AP1G1: variants seen among roughly 807,000 people sequenced by gnomAD.
The protein encoded by AP1G1 is AP-1 complex subunit gamma-1.
Under a neutral mutation model 108.3 loss-of-function variants are expected in AP1G1, and 7 were observed. The observed-to-expected ratio is 0.06, with a 90% CI of 0.04 to 0.12. AP1G1 has a LOEUF of 0.12. Ranked by LOEUF, AP1G1 falls within the 10% of genes least tolerant of loss-of-function variation. AP1G1 has a pLI of 1.00. For missense variants in AP1G1, 756 were observed against 1,010.7 expected, an observed-to-expected ratio of 0.75 and a Z score of 3.42; for synonymous variants, 379 against 353.5, an observed-to-expected ratio of 1.07 and a Z score of -0.81.
chr16:71,807,174 C>G (rs969025585), intron 1 of AP1G1, among the ~76,000 whole-genome samples: 3 of 140,076 alleles, frequency 2.1e-5, no homozygotes, highest in Non-Finnish European at 4.8e-5. Flanking sequence ...GCCTGTAATC[C>G]TAGCACTTTG....
At chr16:71,794,034 A>G (rs2032496180) in intron 1 of AP1G1, among the ~76,000 whole-genome samples, 1 of 152,184 alleles carries the variant, frequency 6.6e-6, no homozygotes, top group Non-Finnish European at 1.5e-5. Flanking sequence ...GTGGTTTTAT[A>G]AAAAGACCTT....
At chr16:71,802,175 T>C (rs2032824904) in intron 1 of AP1G1, among the ~76,000 whole-genome samples, 1 of 152,208 alleles carries the variant, frequency 6.6e-6, no homozygotes, top group Non-Finnish European at 1.5e-5. Flanking sequence ...TTAGTGTTTT[T>C]ACAGCTCAAG....
chr16:71,808,193 A>C, intron 1 of AP1G1: 1 of 1,033,138 alleles, frequency 9.7e-7, no homozygotes, highest in Non-Finnish European at 1.1e-6. Flanking sequence ...AGGTTGAAAA[A>C]AACAAAACAA....
chr16:71,793,474 T>G (rs548052583), intron 1 of AP1G1, among the ~76,000 whole-genome samples: 1 of 152,170 alleles, frequency 6.6e-6, no homozygotes, highest in Non-Finnish European at 1.5e-5. Flanking sequence ...AGGGTATCTA[T>G]GATAGTTAAA....
At position 71,750,302 on chromosome 16, in the gene AP1G1, G is replaced by A; in HGVS notation, c.1315C>T (p.Pro439Ser). The A allele has an allele frequency of 6.2e-7, 1 of 1,613,920 alleles. No homozygotes were observed. Among genetic ancestry groups the A allele is most frequent in the Non-Finnish European group, 8.5e-7 (1 of 1,179,932 alleles). The change falls in exon 14 of 23, where the codon CCC (proline) becomes TCC (serine). Residue 439 changes from proline to serine, a missense_variant. Coordinates refer to ENST00000299980, the MANE Select transcript of AP1G1 (RefSeq NM_001128.6). Reference protein sequence around the residue: ...AGSYVRDDAVPNLIQLITNSV... With the variant: ...AGSYVRDDAVSNLIQLITNSV... Reference sequence around the variant, plus strand: ...TTAGTTATTAACTGGATTAAATTGGGGACTGCATCATCACGAACATAACTT... The same window carrying A: ...TTAGTTATTAACTGGATTAAATTGGAGACTGCATCATCACGAACATAACTT...
At chr16:71,784,774 G>T (rs560061656) in intron 2 of AP1G1, among the ~76,000 whole-genome samples, 2 of 151,550 alleles carry the variant, frequency 1.3e-5, no homozygotes, top group African/African-American at 4.9e-5. Context: ...GGCCAGGATG[G>T]TCTCAAACTC....
intron 4 of AP1G1, chr16:71,772,951 C>T: frequency 6.1e-6 from 3 of 490,968 alleles, no homozygotes; most frequent in Non-Finnish European, 7.6e-6. Flanking sequence ...AAAATCTGTT[C>T]ATAATCACCT....
intron 15 of AP1G1, among the ~76,000 whole-genome samples, 162 bp from the exon 16 acceptor site, chr16:71,748,540 T>C (rs2030309688): frequency 1.3e-5 from 2 of 152,264 alleles, no homozygotes; most frequent in African/African-American, 2.4e-5. Flanking sequence ...CAAGCTGTTC[T>C]ATCAACCAGA....
At position 71,733,039 on chromosome 16, in the gene AP1G1, T is replaced by C. The variant is rs2045489172; in HGVS notation, c.*19A>G. 2 of 1,590,032 alleles carry C rather than the reference T, an allele frequency of 1.3e-6. No individual in the cohort carries two copies. The highest frequency in any genetic ancestry group is 1.7e-6 in the Non-Finnish European group (2 of 1,160,340). The stretch of plus-strand genomic sequence containing the variant: ...TCCTTTGATTGAGTGGGATAAAGAA[T>C]GAGAATGGTGCCAAACCCTCATTGC... On this transcript the variant is annotated 3_prime_UTR_variant, in exon 23 of 23. Transcript: ENST00000299980.
Position 71,746,659 on chromosome 16 carries a change from G to A in AP1G1, c.1659C>T (p.Ser553=), listed in dbSNP as rs777468188. The A allele has an allele frequency of 2.5e-5, 41 of 1,612,524 alleles. No homozygotes were observed. The South Asian group carries it at 3.0e-4, about 12-fold the overall frequency. Residue 553 remains serine, a synonymous_variant, in exon 17 of 23, where the codon AGC becomes AGT. Transcript: ENST00000299980. ...RIKKVVSIYG[S]SIDVELQQRA... is the part of the protein sequence containing the mutation. ...TCTGCTGGAGTTCCACATCAATGCTGCTTCCGTAGATGGAAACCACTTTCT... is the reference window on the plus strand; with the variant it reads ...TCTGCTGGAGTTCCACATCAATGCTACTTCCGTAGATGGAAACCACTTTCT...
At position 71,733,163 on chromosome 16, in the gene AP1G1, T is replaced by C; in HGVS notation, c.2368-4A>G. 3 of 1,612,506 alleles carry C rather than the reference T, an allele frequency of 1.9e-6. No individual in the cohort carries two copies. The highest frequency in any genetic ancestry group is 2.5e-6 in the Non-Finnish European group (3 of 1,178,666). On this transcript the variant is annotated splice_polypyrimidine_tract_variant and splice_region_variant and intron_variant, in intron 22 of 22. Coordinates refer to ENST00000299980, the MANE Select transcript of AP1G1 (RefSeq NM_001128.6). ...TGATCCGCATTCGCAGCTGTTGCTA[T>C]AAGAGGAAAAGAGAAGTGCAAATTA...
At position 71,733,047 on chromosome 16, in the gene AP1G1, G is replaced by A. The variant is rs768203007; in HGVS notation, c.*11C>T. ...TTGAGTGGGATAAAGAATGAGAATG[G>A]TGCCAAACCCTCATTGCCAGGACTG... is the stretch of plus-strand genomic sequence containing the variant. On this transcript the variant is annotated 3_prime_UTR_variant, in exon 23 of 23. Transcript: ENST00000299980. 1 of 1,602,356 alleles carries A rather than the reference G, an allele frequency of 6.2e-7. No homozygotes were observed. The highest frequency in any genetic ancestry group is 1.1e-5 in the South Asian group (1 of 90,624).
intron 2 of AP1G1, among the ~76,000 whole-genome samples, chr16:71,788,137 CT>C (rs1449735078): frequency 1.3e-5 from 2 of 152,094 alleles, no homozygotes; most frequent in African/African-American, 4.8e-5. Flanking sequence ...AATCCCAGTA[CT>C]TTTTTGTTTT....
intron 2 of AP1G1, chr16:71,777,732 C>T (rs1331655841): frequency 2.2e-6 from 1 of 447,204 alleles, no homozygotes; most frequent in Non-Finnish European, 4.6e-6. Context: ...TCCTCCTCCA[C>T]CACTTCTTTC....
chr16:71,773,211 TA>T lies in AP1G1; in HGVS notation c.468+9del. The T allele has an allele frequency of 6.2e-7, 1 of 1,612,666 alleles. No homozygotes were observed. The highest frequency in any genetic ancestry group is 8.5e-7 in the Non-Finnish European group (1 of 1,179,904). On this transcript the variant is annotated intron_variant, in intron 4 of 22. Transcript: ENST00000299980. Reference sequence around the variant, plus strand: ...TAATCCAAACAGACATTTGGTTCATTAAAAGTTACCTTTTTTCTTAAGTAAG... The same window carrying T: ...TAATCCAAACAGACATTTGGTTCATTAAAGTTACCTTTTTTCTTAAGTAAG...
At chr16:71,760,559 A>AAG (rs1262313925) in intron 10 of AP1G1, among the ~76,000 whole-genome samples, 1 of 151,606 alleles carries the variant, frequency 6.6e-6, no homozygotes, top group Non-Finnish European at 1.5e-5. Context: ...AAAAAAAAAA[A>AAG]AAAGAAACAG....
chr16:71,745,189 C>G lies in AP1G1; in HGVS notation c.1954G>C (p.Ala652Pro). ...PTAPTSKPSS[A>P]GGELLDLLGD... is the part of the protein sequence containing the mutation. ...AGCAAATCAAGAAGTTCTCCACCAGCAGAAGATGGTTTGCTTGTAGGCGCA... is the reference window on the plus strand; with the variant it reads ...AGCAAATCAAGAAGTTCTCCACCAGGAGAAGATGGTTTGCTTGTAGGCGCA... The change falls in exon 19 of 23, where the codon GCT becomes CCT. Residue 652 changes from alanine (A) to proline (P), a missense_variant. Transcript: ENST00000299980. 1 of 1,614,148 alleles carries G rather than the reference C, an allele frequency of 6.2e-7. No individual in the cohort carries two copies. Among genetic ancestry groups the G allele is most frequent in the Non-Finnish European group, 8.5e-7 (1 of 1,180,028 alleles).
At chr16:71,785,593 A>T (rs943954942) in intron 2 of AP1G1, among the ~76,000 whole-genome samples, 2 of 150,672 alleles carry the variant, frequency 1.3e-5, no homozygotes, top group African/African-American at 4.9e-5. Flanking sequence ...AAAAAAAAAA[A>T]AAAAAAGTGG....
intron 19 of AP1G1, among the ~76,000 whole-genome samples, chr16:71,740,289 A>G (rs1302199776): frequency 6.6e-6 from 1 of 152,184 alleles, no homozygotes; most frequent in Non-Finnish European, 1.5e-5. Flanking sequence ...GCTTTTATGC[A>G]TTAGACGGTA....
Sources: gnomAD v4.1 joint callset for allele counts (sites outside exome capture counted in the v4.1 genomes callset) on GRCh38, gnomAD v4.1.1 for gene constraint, MANE v1.5 for transcripts, NCBI Gene and HGNC (gene_info 2026-07-23, HGNC 2026-07-21) for gene names.